NSMCE2: variants seen among roughly 807,000 people sequenced by gnomAD.
The protein encoded by NSMCE2 is E3 SUMO-protein ligase NSE2.
In NSMCE2, 24 loss-of-function variants were observed where a neutral mutation model predicts 23.8. That is an observed-to-expected ratio of 1.01 (90% CI 0.73 to 1.42). NSMCE2 has a LOEUF of 1.42. Ranked by LOEUF, NSMCE2 falls within the 40% of genes most tolerant of loss-of-function variation. The probability of loss-of-function intolerance (pLI) is 0.00; values close to 1 mark genes in which losing one functional copy is unlikely to be tolerated. For missense variants in NSMCE2, 284 were observed against 296.5 expected (o/e 0.96, Z 0.31); for synonymous variants, 92 against 94.1 (o/e 0.98, Z 0.13).
chr8:125,192,773 A>G (rs981432870), intron 5 of NSMCE2, among the ~76,000 whole-genome samples: 1 of 152,208 alleles, frequency 6.6e-6, no homozygotes, highest in African/African-American at 2.4e-5. Context: ...CACTCTGGCA[A>G]TTCAGTTTCT....
At chr8:125,354,349 G>T (rs1182297814) in intron 5 of NSMCE2, among the ~76,000 whole-genome samples, 2 of 152,146 alleles carry the variant, frequency 1.3e-5, no homozygotes. Context: ...TTACCATACT[G>T]GGAAATTTTT....
chr8:125,157,319 G>T (rs1821378747), intron 4 of NSMCE2, among the ~76,000 whole-genome samples: 1 of 152,306 alleles, frequency 6.6e-6, no homozygotes, highest in South Asian at 2.1e-4. Flanking sequence ...GCTGCATATG[G>T]CATTCTACAG....
chr8:125,341,291 A>C (rs1288482101), intron 5 of NSMCE2, among the ~76,000 whole-genome samples: 1 of 152,178 alleles, frequency 6.6e-6, no homozygotes, highest in Non-Finnish European at 1.5e-5. Context: ...CATCATCTTC[A>C]TTATGGGGTG....
intron 4 of NSMCE2, among the ~76,000 whole-genome samples, chr8:125,173,286 G>A (rs1822312365): frequency 6.6e-6 from 1 of 152,202 alleles, no homozygotes; most frequent in Non-Finnish European, 1.5e-5. Context: ...CAGAGTCGCA[G>A]TGATGGGGGA....
intron 3 of NSMCE2, among the ~76,000 whole-genome samples, chr8:125,140,056 C>T (rs1333104685): frequency 6.6e-6 from 1 of 152,212 alleles, no homozygotes; most frequent in Non-Finnish European, 1.5e-5. Flanking sequence ...TCCCAAGAAC[C>T]TCACAGCAAT....
At chr8:125,120,641 A>G (rs369305452) in intron 3 of NSMCE2, among the ~76,000 whole-genome samples, 1 of 152,178 alleles carries the variant, frequency 6.6e-6, no homozygotes, top group African/African-American at 2.4e-5. Flanking sequence ...TCTAGTTGCT[A>G]TAAACAATTA....
chr8:125,209,272 C>T (rs764403918), intron 5 of NSMCE2, among the ~76,000 whole-genome samples: 5 of 152,058 alleles, frequency 3.3e-5, no homozygotes, highest in South Asian at 2.1e-4. Flanking sequence ...TCTCTGCTGA[C>T]GAAGAAGTAC....
intron 5 of NSMCE2, among the ~76,000 whole-genome samples, chr8:125,198,501 C>A (rs1823725526): frequency 6.6e-6 from 1 of 152,184 alleles, no homozygotes; most frequent in African/African-American, 2.4e-5. Context: ...TATTGATTTG[C>A]GTGTGTTGAA....
intron 3 of NSMCE2, among the ~76,000 whole-genome samples, chr8:125,112,517 G>C (rs899295313): frequency 6.6e-6 from 1 of 151,994 alleles, no homozygotes; most frequent in African/African-American, 2.4e-5. Flanking sequence ...AATGCATAAA[G>C]AAAACTGTGC....
intron 5 of NSMCE2, among the ~76,000 whole-genome samples, chr8:125,271,107 A>T (rs190734165): frequency 3.0e-4 from 45 of 152,114 alleles, no homozygotes; most frequent in Middle Eastern, 3.4e-3. Flanking sequence ...TAAAAAACAC[A>T]AAATTTTGCC....
At chr8:125,155,307 A>G (rs1821251142) in intron 4 of NSMCE2, among the ~76,000 whole-genome samples, 1 of 152,204 alleles carries the variant, frequency 6.6e-6, no homozygotes, top group Non-Finnish European at 1.5e-5. Flanking sequence ...AACATGGGAA[A>G]TATATATTCT....
At chr8:125,180,411 T>C (rs1266085646) in intron 4 of NSMCE2, among the ~76,000 whole-genome samples, 1 of 152,190 alleles carries the variant, frequency 6.6e-6, no homozygotes, top group Non-Finnish European at 1.5e-5. Context: ...AATATAAATT[T>C]TACACATTTT....
intron 5 of NSMCE2, among the ~76,000 whole-genome samples, chr8:125,256,292 A>AC (rs1202454220): frequency 6.6e-6 from 1 of 151,950 alleles, no homozygotes; most frequent in South Asian, 2.1e-4. Flanking sequence ...AAAAAAAAAA[A>AC]AAAAAACTAA....
intron 3 of NSMCE2, among the ~76,000 whole-genome samples, chr8:125,121,818 A>G (rs1303463472): frequency 6.6e-6 from 1 of 152,214 alleles, no homozygotes; most frequent in Non-Finnish European, 1.5e-5. Flanking sequence ...TATACATATG[A>G]GTAAACTGAA....
At chr8:125,248,360 A>G (rs1826073034) in intron 5 of NSMCE2, among the ~76,000 whole-genome samples, 2 of 152,226 alleles carry the variant, frequency 1.3e-5, no homozygotes, top group Non-Finnish European at 1.5e-5. Context: ...AAGATGTATT[A>G]TATTTGAAGA....
chr8:125,263,384 A>T (rs1826781245), intron 5 of NSMCE2, among the ~76,000 whole-genome samples: 1 of 152,146 alleles, frequency 6.6e-6, no homozygotes, highest in African/African-American at 2.4e-5. Context: ...TTAGGAAGAA[A>T]CTAGAAGGTT....
At chr8:125,256,861 T>G (rs1449184935) in intron 5 of NSMCE2, among the ~76,000 whole-genome samples, 1 of 129,226 alleles carries the variant, frequency 7.7e-6, no homozygotes, top group African/African-American at 3.0e-5. Context: ...GGGAAGTGGT[T>G]GCAGTGAGTC....
chr8:125,290,157 T>TA (rs548145927), intron 5 of NSMCE2, among the ~76,000 whole-genome samples: 18 of 151,882 alleles, frequency 1.2e-4, no homozygotes, highest in East Asian at 1.9e-4. Flanking sequence ...TTCATGACGT[T>TA]AAAAAAAACT....
At chr8:125,127,097 T>C (rs1282304622) in intron 3 of NSMCE2, 1 of 152,236 alleles carries the variant, frequency 6.6e-6, no homozygotes, top group Non-Finnish European at 1.5e-5. Context: ...TTCACTTCTT[T>C]AGCATTCTTT....
Sources: gnomAD v4.1 joint callset for allele counts (sites outside exome capture counted in the v4.1 genomes callset) on GRCh38, gnomAD v4.1.1 for gene constraint, MANE v1.5 for transcripts, NCBI Gene and HGNC (gene_info 2026-07-23, HGNC 2026-07-21) for gene names.